TCN2: variants seen among roughly 807,000 people sequenced by gnomAD.
TCN2 encodes transcobalamin 2.
TCN2 carries 34 observed loss-of-function variants against 48.6 expected under a neutral mutation model. That is an observed-to-expected ratio of 0.70 (90% confidence interval 0.53 to 0.93). TCN2 has a LOEUF of 0.93. Ranked by LOEUF, TCN2 falls within the 40% of genes least tolerant of loss-of-function variation. The probability of loss-of-function intolerance (pLI) is 0.00; values close to 1 mark genes in which losing one functional copy is unlikely to be tolerated. For missense variants in TCN2, 652 were observed against 526.1 expected (o/e 1.24, Z -2.34); for synonymous variants, 283 against 212.5 (o/e 1.33, Z -2.89).
intron 8 of TCN2, 26 bp from the exon 9 acceptor site, chr22:30,626,434 C>T (rs1322836907): frequency 1.1e-5 from 18 of 1,613,862 alleles, no homozygotes; most frequent in Non-Finnish European, 1.5e-5. Flanking sequence ...CCAATTCGCC[C>T]CTCCTTGCTC....
chr22:30,619,232 G>T (rs1181176715), intron 7 of TCN2, among the ~76,000 whole-genome samples: 1 of 152,106 alleles, frequency 6.6e-6, no homozygotes, highest in Non-Finnish European at 1.5e-5. Flanking sequence ...GCGCCACCAC[G>T]CTTGGCAAAT....
chr22:30,620,512 G>A (rs1168916635), intron 7 of TCN2, among the ~76,000 whole-genome samples: 2 of 152,202 alleles, frequency 1.3e-5, no homozygotes, highest in Non-Finnish European at 2.9e-5. Flanking sequence ...GGCCACCTCC[G>A]TTTCCTTCCT....
At position 30,615,939 on chromosome 22, in the gene TCN2, C is replaced by G. The variant is rs953476432; in HGVS notation, c.940+152C>G. ...CACAGCAGCCAAAATGTGGTCATAG[C>G]TTCTAGAAGCTCACAGTGTGGGGAG... On this transcript the variant is annotated intron_variant, in intron 6 of 8. Coordinates refer to ENST00000215838, the MANE Select transcript of TCN2 (RefSeq NM_000355.4). The G allele has an allele frequency of 4.5e-6, 4 of 882,296 alleles. No individual in the cohort carries two copies. The East Asian group carries it at 1.0e-4, about 23-fold the overall frequency. 54.7% of individuals were successfully genotyped at this position (882,296 alleles called of 1,614,324 possible).
chr22:30,626,369 T>A (rs1050093479), intron 8 of TCN2, 91 bp from the exon 9 acceptor site: 9 of 1,386,100 alleles, frequency 6.5e-6, no homozygotes, highest in South Asian at 1.2e-5. Context: ...TCTTACAGAC[T>A]CTAGCCTCAG....
intron 7 of TCN2, among the ~76,000 whole-genome samples, chr22:30,621,100 C>T (rs1377928256): frequency 2.0e-5 from 3 of 152,090 alleles, no homozygotes; most frequent in South Asian, 4.2e-4. Flanking sequence ...TCAAGCGATT[C>T]TCCTGCCTCA....
chr22:30,617,544 G>A, intron 7 of TCN2, 49 bp downstream of exon 7: 1 of 1,612,508 alleles, frequency 6.2e-7, no homozygotes, highest in Non-Finnish European at 8.5e-7. Flanking sequence ...TCACATGCCT[G>A]ATAACAGGGT....
rs35838082 is a variant in TCN2 at position 30,615,363 on chromosome 22, C to A, written c.643C>A (p.Arg215=). 6.2e-7 allele frequency: 1 copy of A among 1,613,946 alleles called. No individual in the cohort carries two copies. The highest frequency in any genetic ancestry group is 1.3e-5 in the African/African-American group (1 of 74,870). Residue 215 remains arginine (R), a synonymous_variant, in exon 5 of 9, where the codon CGG becomes AGG. Transcript: ENST00000215838. ...GAAGCGCTCAAACTTCAACCCTGGT[C>A]GGAGACAACGGATCACCATGGCCAT... ...CLKRSNFNPG[R]RQRITMAIRT...
chr22:30,624,438 C>T (rs1281413222), intron 8 of TCN2, among the ~76,000 whole-genome samples: 2 of 152,062 alleles, frequency 1.3e-5, no homozygotes, highest in East Asian at 1.9e-4. Context: ...TGATACTCCA[C>T]CCCTGAAGAA....
intron 8 of TCN2, among the ~76,000 whole-genome samples, chr22:30,623,853 C>CACATAT: frequency 2.0e-5 from 1 of 50,386 alleles, no homozygotes; most frequent in Non-Finnish European, 3.4e-5. Flanking sequence ...CATACATACA[C>CACATAT]ATACATACAC....
chr22:30,607,870 TAAAAA>T (rs550310649), intron 1 of TCN2, among the ~76,000 whole-genome samples: 567 of 151,532 alleles, frequency 3.7e-3, no homozygotes, highest in Non-Finnish European at 7.0e-3. Context: ...CTACAAAAAA[TAAAAA>T]AAATTAAAAA....
At chr22:30,622,904 A>G (rs554118926) in intron 7 of TCN2, 64 bp from the exon 8 acceptor site, 3 of 1,540,112 alleles carry the variant, frequency 1.9e-6, no homozygotes, top group East Asian at 4.5e-5. Flanking sequence ...GTGGGTGAGC[A>G]CTGCCTCTCC....
chr22:30,623,696 T>A (rs1243073748), intron 8 of TCN2, among the ~76,000 whole-genome samples: 1 of 108,378 alleles, frequency 9.2e-6, no homozygotes, highest in Non-Finnish European at 2.0e-5. Flanking sequence ...TACATATATA[T>A]GAAATATATA....
Position 30,623,965 on chromosome 22 carries a change from C to CATAT in TCN2, c.1222+883_1222+884insTATA, listed in dbSNP as rs2087758551. ...ACACACACATATGTATACATATATA[C>CATAT]ACACACATATATATGTATACATATA... On this transcript the variant is annotated intron_variant, in intron 8 of 8. Coordinates refer to ENST00000215838, the MANE Select transcript of TCN2 (RefSeq NM_000355.4). Among the ~76,000 whole-genome samples, 2 of 18,554 alleles carry CATAT rather than the reference C, an allele frequency of 1.1e-4. 1 individual carries two copies. Among genetic ancestry groups the CATAT allele is most frequent in the Non-Finnish European group, 1.9e-4 (2 of 10,576 alleles). 12.2% of individuals were successfully genotyped at this position (18,554 alleles called of 152,430 possible). A position where few individuals can be genotyped will look rare whatever the true frequency, so the allele number is the denominator to read the frequency against.
rs1030639072 is a variant in TCN2 at position 30,626,843 on chromosome 22, G to T, written c.*322G>T. 1 of 457,764 alleles carries T rather than the reference G, an allele frequency of 2.2e-6. No individual in the cohort carries two copies. Among genetic ancestry groups the T allele is most frequent in the Non-Finnish European group, 4.1e-6 (1 of 246,110 alleles). The allele number at this position is 457,764 out of a possible 1,614,324, so 28.4% of individuals were successfully genotyped here. On this transcript the variant is annotated 3_prime_UTR_variant, in exon 9 of 9. Transcript: ENST00000215838. ...GACTCCTTGGCAAAAAACGGAGTCCGCAGGCCGCAGGTGTTGTGAAGACCA... is the reference window on the plus strand; with the variant it reads ...GACTCCTTGGCAAAAAACGGAGTCCTCAGGCCGCAGGTGTTGTGAAGACCA...
intron 2 of TCN2, among the ~76,000 whole-genome samples, chr22:30,611,673 G>A (rs1177589867): frequency 2.0e-5 from 3 of 152,158 alleles, no homozygotes; most frequent in Non-Finnish European, 2.9e-5. Context: ...ATGCCCAGCT[G>A]ATTTTTGTAT....
At chr22:30,622,266 G>A (rs951762565) in intron 7 of TCN2, among the ~76,000 whole-genome samples, 1 of 151,870 alleles carries the variant, frequency 6.6e-6, no homozygotes, top group African/African-American at 2.4e-5. Context: ...GGATTACAGG[G>A]TTGAGCCACT....
In TCN2 at chr22:30,627,224, CCACTACTATGACTGAGCACT is replaced by C. The variant is rs2087823368; in HGVS notation, c.*708_*727del. On this transcript the variant is annotated 3_prime_UTR_variant, in exon 9 of 9. Transcript: ENST00000215838. ...ATGACATTGACTACTGACTGAGCAC[CCACTACTATGACTGAGCACT>C]CACTCGCTAGATACTATCTTGAACT... is the stretch of plus-strand genomic sequence containing the variant. 1 of 160,322 alleles carries C rather than the reference CCACTACTATGACTGAGCACT, an allele frequency of 6.2e-6. No homozygotes were observed. Among genetic ancestry groups the C allele is most frequent in the African/African-American group, 2.4e-5 (1 of 41,558 alleles). The allele number at this position is 160,322 out of a possible 1,614,324, so 9.9% of individuals were successfully genotyped here.
rs747257199 is a variant in TCN2, at chr22:30,615,784, C to T, written c.937C>T (p.Arg313Ter). 29 of 1,614,086 alleles carry T rather than the reference C, an allele frequency of 1.8e-5. No homozygotes were observed. Among genetic ancestry groups the T allele is most frequent in the Admixed American group, 5.0e-5 (3 of 59,996 alleles). Residue 313 changes from arginine to a stop codon, truncating the protein, a stop_gained, in exon 6 of 9, where the codon CGA becomes TGA. Coordinates refer to ENST00000215838, the MANE Select transcript of TCN2 (RefSeq NM_000355.4). LOFTEE classifies it high-confidence loss of function. ...GATCTTCCCAGACTGTCTGGCACCA[C>T]GAGGTAGCCCAACTTTTTGTGGAAG... ...DLIFPDCLAP[R>*]VMLEPAAETI...
chr22:30,616,442 C>G (rs1026615749), intron 6 of TCN2, among the ~76,000 whole-genome samples: 15 of 147,032 alleles, frequency 1.0e-4, no homozygotes, highest in African/African-American at 3.5e-4. Context: ...GAGCCAAGAT[C>G]ATGCCACTGC....
Sources: allele counts gnomAD v4.1 joint callset (sites outside exome capture counted in the v4.1 genomes callset), GRCh38; gene constraint gnomAD v4.1.1; transcripts MANE v1.5; gene names NCBI Gene and HGNC (gene_info 2026-07-23, HGNC 2026-07-21).